Variants in PCDHGA2 observed in about 807,000 individuals in gnomAD.
The protein encoded by PCDHGA2 is protocadherin gamma subfamily A, 2, also known as protocadherin gamma-A2.
PCDHGA2 carries 40 observed loss-of-function variants against 59.2 expected under a neutral mutation model. That is an observed-to-expected ratio of 0.68 (90% CI 0.52 to 0.88). The LOEUF (loss-of-function observed/expected upper bound fraction) is 0.88, where lower values mean the gene tolerates loss of function less well. Ranked by LOEUF, PCDHGA2 falls within the 40% of genes least tolerant of loss-of-function variation. PCDHGA2 has a pLI of 0.00. For synonymous variants in PCDHGA2, 560 were observed against 526.0 expected (o/e 1.06, Z -0.89); for missense variants, 1,226 against 1,204.0 (o/e 1.02, Z -0.27).
intron 1 of PCDHGA2, chr5:141,440,642 A>G (rs1351979857): frequency 6.6e-6 from 1 of 152,234 alleles, no homozygotes; most frequent in African/African-American, 2.4e-5. Context: ...AATTCCTTAC[A>G]AAATTATCAC....
chr5:141,398,525 T>A, intron 1 of PCDHGA2: 1 of 1,613,440 alleles, frequency 6.2e-7, no homozygotes, highest in Non-Finnish European at 8.5e-7. Flanking sequence ...ACGCCAAAAT[T>A]CACGCAAAAT....
At chr5:141,345,587 A>T (rs1366965342) in intron 1 of PCDHGA2, 5 of 1,614,106 alleles carry the variant, frequency 3.1e-6, no homozygotes, top group Non-Finnish European at 4.2e-6. Flanking sequence ...ACGCGCTGAG[A>T]TCCTTCGACT....
chr5:141,351,046 G>A (rs922791130), intron 1 of PCDHGA2: 3 of 1,613,934 alleles, frequency 1.9e-6, no homozygotes, highest in South Asian at 2.2e-5. Flanking sequence ...TGCGGGTGAT[G>A]GCCACAGACC....
intron 1 of PCDHGA2, among the ~76,000 whole-genome samples, chr5:141,458,248 G>A (rs173682): frequency 3.3e-5 from 5 of 152,112 alleles, no homozygotes; most frequent in African/African-American, 9.7e-5. Flanking sequence ...AAAATGATAC[G>A]GCTCTGATGA....
rs776721321 is a variant in PCDHGA2, at chr5:141,431,084, C to A, written c.2425-63723C>A. ...CAAGTGTCAATTAAATCTAGACATT[C>A]TGATGGAGGATAAAGTGAAAATATA... is the stretch of plus-strand genomic sequence containing the variant. On this transcript the variant is annotated intron_variant, in intron 1 of 3. Coordinates refer to ENST00000394576, the MANE Select transcript of PCDHGA2 (RefSeq NM_018915.4). This position sits in a 1 kb window ranked among gnomAD's most constrained non-coding sequence, Gnocchi z 4.8. The A allele has an allele frequency of 1.2e-6, 2 of 1,614,060 alleles. No homozygotes were observed. Among genetic ancestry groups the A allele is most frequent in the Non-Finnish European group, 1.7e-6 (2 of 1,180,002 alleles).
At chr5:141,433,256 C>G (rs760130587) in intron 1 of PCDHGA2, 2 of 1,385,666 alleles carry the variant, frequency 1.4e-6, no homozygotes, top group Non-Finnish European at 2.0e-6. Context: ...TGCAGCGGTA[C>G]GATCATAGCT....
At chr5:141,360,777 T>G (rs555307283) in intron 1 of PCDHGA2, 1 of 1,613,966 alleles carries the variant, frequency 6.2e-7, no homozygotes, top group South Asian at 1.1e-5. Context: ...TCCTCACAGC[T>G]GTGGATGGCG....
Position 141,486,362 on chromosome 5 carries a change from C to A in PCDHGA2, c.2425-8445C>A. On this transcript the variant is annotated intron_variant, in intron 1 of 3. Coordinates refer to ENST00000394576, the MANE Select transcript of PCDHGA2 (RefSeq NM_018915.4). The surrounding 1 kb of genome is among the most constrained non-coding windows in gnomAD (Gnocchi z 5.0). ...CATTCCTGACCACTTGCCATTTGCC[C>A]TCAAGTCTGCCTTCAGGAACCAGTT... The A allele has an allele frequency of 6.2e-7, 1 of 1,614,132 alleles. No individual in the cohort carries two copies. The highest frequency in any genetic ancestry group is 1.7e-5 in the Admixed American group (1 of 60,024).
In PCDHGA2 at chr5:141,460,596, C is replaced by A. The variant is rs930441447; in HGVS notation, c.2425-34211C>A. On this transcript the variant is annotated intron_variant, in intron 1 of 3. Transcript: ENST00000394576. ...TGTAGGTGTGGGTTTTTTCTGGGCT[C>A]TCTGTGTTAGATGGATAGATAGACA... Among the ~76,000 whole-genome samples the A allele has an allele frequency of 1.3e-5, 2 of 151,986 alleles. 1 individual carries two copies. The highest frequency in any genetic ancestry group is 4.1e-4 in the South Asian group (2 of 4,824).
chr5:141,485,387 C>T lies in PCDHGA2; in HGVS notation c.2425-9420C>T. The T allele has an allele frequency of 6.2e-7, 1 of 1,614,078 alleles. No homozygotes were observed. Among genetic ancestry groups the T allele is most frequent in the Non-Finnish European group, 8.5e-7 (1 of 1,179,994 alleles). On this transcript the variant is annotated intron_variant, in intron 1 of 3. Coordinates refer to ENST00000394576, the MANE Select transcript of PCDHGA2 (RefSeq NM_018915.4). This position sits in a 1 kb window ranked among gnomAD's most constrained non-coding sequence, Gnocchi z 5.7. ...GCTGCAGGTCGCTGGAGAGGTGAAC[C>T]AAAGACACTTCCGTGTGGATTTGGA...
intron 2 of PCDHGA2, among the ~76,000 whole-genome samples, chr5:141,505,069 G>A (rs2099843308): frequency 2.0e-5 from 3 of 152,340 alleles, no homozygotes; most frequent in East Asian, 1.9e-4. Flanking sequence ...GACTGAGGCA[G>A]GAGAATCGCT....
At chr5:141,413,449 G>T in intron 1 of PCDHGA2, 2 of 1,614,120 alleles carry the variant, frequency 1.2e-6, no homozygotes, top group South Asian at 2.2e-5. Context: ...GATCACCGCG[G>T]GCAGGATAGA....
chr5:141,346,126 C>T (rs760517157), intron 1 of PCDHGA2: 3 of 1,613,808 alleles, frequency 1.9e-6, no homozygotes, highest in Non-Finnish European at 1.7e-6. Flanking sequence ...GTGGCGGTGG[C>T]CGCGGTCTCC....
intron 1 of PCDHGA2, chr5:141,419,045 T>G (rs1473408777): frequency 6.2e-7 from 1 of 1,613,710 alleles, no homozygotes; most frequent in Non-Finnish European, 8.5e-7. Context: ...TAAGATTCAT[T>G]CTTCTTCTAA....
At chr5:141,388,424 G>A (rs77505166) in intron 1 of PCDHGA2, 76,970 of 1,613,794 alleles carry the variant, frequency 0.048, 2,026 homozygotes, top group South Asian at 0.077. Context: ...ATTTCTCACT[G>A]ATAAATAAAG....
chr5:141,482,529 G>GAAAAAAAA (rs1256461887), intron 1 of PCDHGA2, among the ~76,000 whole-genome samples: 1 of 56,042 alleles, frequency 1.8e-5, no homozygotes, highest in Admixed American at 1.9e-4. Context: ...AGACAGACAT[G>GAAAAAAAA]CAAAAAAAAA....
rs13158033 is a variant in PCDHGA2 at position 141,367,145 on chromosome 5, T to C, written c.2424+25750T>C. The C allele has an allele frequency of 2.1e-3, 361 of 168,776 alleles. 1 individual carries two copies. The highest frequency in any genetic ancestry group is 0.012 in the Middle Eastern group (4 of 326). 10.5% of individuals were successfully genotyped at this position (168,776 alleles called of 1,614,324 possible). A position where few individuals can be genotyped will look rare whatever the true frequency, so the allele number is the denominator to read the frequency against. ...AATGTGTTTTGGAAAGGATAATGTATAGGACTGATATTTTAGTCTACCTGA... is the reference window on the plus strand; with the variant it reads ...AATGTGTTTTGGAAAGGATAATGTACAGGACTGATATTTTAGTCTACCTGA... On this transcript the variant is annotated intron_variant, in intron 1 of 3. Transcript: ENST00000394576.
chr5:141,400,126 G>C, intron 1 of PCDHGA2: 1 of 1,614,090 alleles, frequency 6.2e-7, no homozygotes. Context: ...CTTGCAGGAG[G>C]TGCTGCCGGA....
Position 141,489,552 on chromosome 5 carries a change from G to T in PCDHGA2, c.2425-5255G>T, listed in dbSNP as rs2099688780. ...GTGGAGCCAGCACCAGCTGCCTGCTGCCAGTGCAGGTGGTGACTGAACACC... is the reference window on the plus strand; with the variant it reads ...GTGGAGCCAGCACCAGCTGCCTGCTTCCAGTGCAGGTGGTGACTGAACACC... On this transcript the variant is annotated intron_variant, in intron 1 of 3. Coordinates refer to ENST00000394576, the MANE Select transcript of PCDHGA2 (RefSeq NM_018915.4). The surrounding 1 kb of genome is among the most constrained non-coding windows in gnomAD (Gnocchi z 4.5). The T allele has an allele frequency of 6.2e-7, 1 of 1,613,988 alleles. No homozygotes were observed. The highest frequency in any genetic ancestry group is 1.7e-5 in the Admixed American group (1 of 60,000).
Sources: gnomAD v4.1 joint callset for allele counts (sites outside exome capture counted in the v4.1 genomes callset) on GRCh38, gnomAD v4.1.1 for gene constraint, Gnocchi (gnomAD v3.1) non-coding constraint, MANE v1.5 for transcripts, NCBI Gene and HGNC (gene_info 2026-07-23, HGNC 2026-07-21) for gene names.